The following MSTO1 variants were observed in gnomAD, a reference collection of about 807,000 sequenced individuals.
MSTO1 encodes the protein protein misato homolog 1.
Under a neutral mutation model 55.7 loss-of-function variants are expected in MSTO1, and 24 were observed. That is an observed-to-expected ratio of 0.43 (90% CI 0.31 to 0.61). The LOEUF is 0.61. Among genes scored for constraint, MSTO1 ranks in the 20% least tolerant of loss-of-function variants. MSTO1 has a pLI of 0.09. For synonymous variants in MSTO1, 162 were observed against 252.8 expected (o/e 0.64, Z 3.41); for missense variants, 363 against 625.7 (o/e 0.58, Z 4.48).
the MSTO1 span, among the ~76,000 whole-genome samples, chr1:155,592,180 C>T: frequency 3.3e-5 from 5 of 152,226 alleles, no homozygotes; most frequent in Admixed American, 1.3e-4. Flanking sequence ...GTGTTGTGTG[C>T]ATGTGTTTTG....
At position 155,612,078 on chromosome 1, in the gene MSTO1, T is replaced by C; in HGVS notation, c.656T>C (p.Val219Ala). Residue 219 changes from valine to alanine, a missense_variant, in exon 7 of 14, where the codon GTG becomes GCG. Val to Ala is a moderately conservative substitution (Grantham distance 64). Transcript: ENST00000245564. ...EELEDRLHFYVEECDYLQGFQ... is the reference protein window; with the variant it reads ...EELEDRLHFYAEECDYLQGFQ... ...CTGGAGGACAGGCTGCATTTCTACG[T>C]GGAGGAATGTGACTACTTGCAGGTA... 1 of 1,609,638 alleles carries C rather than the reference T, an allele frequency of 6.2e-7. No individual in the cohort carries two copies. The highest frequency in any genetic ancestry group is 8.5e-7 in the Non-Finnish European group (1 of 1,178,578).
chr1:155,567,308 ATTTTT>A, the MSTO1 span, among the ~76,000 whole-genome samples: 3 of 123,412 alleles, frequency 2.4e-5, no homozygotes, highest in Admixed American at 8.1e-5. Context: ...AATTTTTGTA[ATTTTT>A]TTTTTTTTTT....
chr1:155,606,709 C>G (rs1672942302), upstream of MSTO1, among the ~76,000 whole-genome samples: 1 of 146,984 alleles, frequency 6.8e-6, no homozygotes, highest in African/African-American at 2.5e-5. Context: ...TTTGTAGCAA[C>G]AAGATCTCAC....
chr1:155,587,571 G>A, the MSTO1 span, among the ~76,000 whole-genome samples: 3 of 149,492 alleles, frequency 2.0e-5, no homozygotes, highest in South Asian at 4.3e-4. Flanking sequence ...GTGAAACCCC[G>A]TCTCTACTGA....
upstream of MSTO1, among the ~76,000 whole-genome samples, chr1:155,608,538 T>C (rs1339061551): frequency 3.3e-4 from 50 of 150,488 alleles, no homozygotes; most frequent in African/African-American, 1.2e-3. Context: ...CTGGCTCTGT[T>C]GCCCAAGGTG....
At chr1:155,563,425 C>T in the MSTO1 span, 2 of 456,724 alleles carry the variant, frequency 4.4e-6, no homozygotes, top group Non-Finnish European at 4.4e-6. Flanking sequence ...GTAGGACCGG[C>T]GCGCCTCCGG....
chr1:155,573,563 C>T, the MSTO1 span, among the ~76,000 whole-genome samples: 2 of 151,744 alleles, frequency 1.3e-5, no homozygotes, highest in African/African-American at 4.8e-5. Flanking sequence ...ACTGACCAGG[C>T]GCAGTGGCTC....
the MSTO1 span, among the ~76,000 whole-genome samples, chr1:155,581,440 T>C: frequency 6.6e-6 from 1 of 152,158 alleles, no homozygotes; most frequent in Non-Finnish European, 1.5e-5. Context: ...AGTCTCACTC[T>C]GTCGACCAGG....
upstream of MSTO1, among the ~76,000 whole-genome samples, chr1:155,608,632 T>A (rs1163093763): frequency 6.6e-6 from 1 of 150,456 alleles, no homozygotes; most frequent in African/African-American, 2.5e-5. Flanking sequence ...CCCAAGTAGC[T>A]GGGACTACAG....
the MSTO1 span, among the ~76,000 whole-genome samples, chr1:155,596,690 G>C: frequency 6.6e-6 from 1 of 152,144 alleles, no homozygotes; most frequent in East Asian, 1.9e-4. Context: ...AAGAGGTTTA[G>C]CTGTAAGGAT....
At chr1:155,568,973 G>C in the MSTO1 span, among the ~76,000 whole-genome samples, 4 of 151,118 alleles carry the variant, frequency 2.6e-5, no homozygotes, top group African/African-American at 9.7e-5. Context: ...TCCTGCCTCA[G>C]CCTCCTGAGT....
the MSTO1 span, among the ~76,000 whole-genome samples, chr1:155,602,570 C>T: frequency 6.6e-6 from 1 of 152,172 alleles, no homozygotes; most frequent in South Asian, 2.1e-4. Context: ...GCTAGGTAGT[C>T]TTTATATGGA....
chr1:155,571,974 G>A, the MSTO1 span, among the ~76,000 whole-genome samples: 1 of 151,792 alleles, frequency 6.6e-6, no homozygotes, highest in African/African-American at 2.4e-5. Flanking sequence ...CCCAGGAGGC[G>A]GAGGTTGCAG....
the MSTO1 span, among the ~76,000 whole-genome samples, chr1:155,600,000 G>A: frequency 5.9e-5 from 9 of 152,182 alleles, no homozygotes; most frequent in East Asian, 3.8e-4. Flanking sequence ...GCCCAGGGAC[G>A]GGGAGGAGAC....
upstream of MSTO1, chr1:155,610,037 G>A (rs1673478702): frequency 1.7e-6 from 1 of 581,360 alleles, no homozygotes; most frequent in Non-Finnish European, 3.0e-6. Flanking sequence ...GTGGAGCCCC[G>A]CCCCTCACAG....
chr1:155,586,089 C>T, the MSTO1 span, among the ~76,000 whole-genome samples: 7 of 151,930 alleles, frequency 4.6e-5, no homozygotes, highest in African/African-American at 1.7e-4. Flanking sequence ...AATGGACATA[C>T]GGACATTTGT....
the MSTO1 span, among the ~76,000 whole-genome samples, chr1:155,571,192 T>G: frequency 1.2e-4 from 19 of 152,294 alleles, no homozygotes; most frequent in African/African-American, 4.3e-4. Context: ...TGGTGGTACA[T>G]GCCTATAGTC....
upstream of MSTO1, among the ~76,000 whole-genome samples, chr1:155,606,508 C>G (rs1359894576): frequency 6.6e-6 from 1 of 151,822 alleles, no homozygotes; most frequent in East Asian, 1.9e-4. Context: ...GATTCTTCTG[C>G]CCCAGCCTCC....
chr1:155,612,438 T>C lies in MSTO1; in HGVS notation c.834T>C (p.Tyr278=). 6.2e-7 allele frequency: 1 copy of C among 1,613,540 alleles called. No homozygotes were observed. Among genetic ancestry groups the C allele is most frequent in the Non-Finnish European group, 8.5e-7 (1 of 1,179,732 alleles). ...ACCAGGAGGCCCAGAGAAACATCTATCGTCTATTAAACACAGCTTTTGGTC... is the reference window on the plus strand; with the variant it reads ...ACCAGGAGGCCCAGAGAAACATCTACCGTCTATTAAACACAGCTTTTGGTC... ...YHRGEAQRNI[Y]RLLNTAFGLV... is the part of the protein sequence containing the mutation. Residue 278 remains tyrosine, a synonymous_variant, in exon 9 of 14, where the codon TAT becomes TAC. Transcript: ENST00000245564.
Sources: allele counts gnomAD v4.1 joint callset (sites outside exome capture counted in the v4.1 genomes callset), GRCh38; gene constraint gnomAD v4.1.1; transcripts MANE v1.5; gene names NCBI Gene and HGNC (gene_info 2026-07-23, HGNC 2026-07-21).